Variants in SMYD3 observed in about 807,000 individuals in gnomAD.
SMYD3 encodes SET and MYND domain containing 3.
A neutral mutation model predicts 57.7 loss-of-function variants in SMYD3; 36 were observed. That is an observed-to-expected ratio of 0.62 (90% CI 0.48 to 0.82). SMYD3 has a LOEUF of 0.82. Among genes scored for constraint, SMYD3 ranks in the 40% least tolerant of loss-of-function variants. The pLI, the probability that SMYD3 is intolerant of heterozygous loss-of-function variation, is 0.00. For missense variants in SMYD3, 515 were observed against 538.8 expected, an observed-to-expected ratio of 0.96 and a Z score of 0.44; for synonymous variants, 211 against 195.0, an observed-to-expected ratio of 1.08 and a Z score of -0.68.
chr1:245,754,345 T>C (rs2045521133), intron 11 of SMYD3, among the ~76,000 whole-genome samples: 1 of 152,166 alleles, frequency 6.6e-6, no homozygotes, highest in Non-Finnish European at 1.5e-5. Flanking sequence ...TTCCCAAGTA[T>C]GATTTAAATA....
At chr1:245,792,569 G>C (rs571871269) in intron 10 of SMYD3, among the ~76,000 whole-genome samples, 12 of 152,328 alleles carry the variant, frequency 7.9e-5, no homozygotes, top group African/African-American at 2.9e-4. Flanking sequence ...TTCTCAGTTA[G>C]CATGGAATTC....
intron 8 of SMYD3, among the ~76,000 whole-genome samples, chr1:245,883,264 A>T (rs1218354595): frequency 6.6e-6 from 1 of 152,210 alleles, no homozygotes; most frequent in East Asian, 1.9e-4. Flanking sequence ...AAGCAATATT[A>T]AATGACCTTG....
intron 3 of SMYD3, 45 bp downstream of exon 3, chr1:246,335,316 ATATGTT>A: frequency 6.7e-7 from 1 of 1,486,872 alleles, no homozygotes; most frequent in Non-Finnish European, 9.4e-7. Flanking sequence ...ATGCAATTGC[ATATGTT>A]TATTTAACCA....
At chr1:246,223,820 A>C (rs1287196387) in intron 5 of SMYD3, among the ~76,000 whole-genome samples, 1 of 152,132 alleles carries the variant, frequency 6.6e-6, no homozygotes, top group Non-Finnish European at 1.5e-5. Flanking sequence ...GGTCCTTTAC[A>C]ATACGGAATA....
At chr1:246,166,742 C>A (rs1436670813) in intron 5 of SMYD3, among the ~76,000 whole-genome samples, 1 of 152,128 alleles carries the variant, frequency 6.6e-6, no homozygotes, top group Non-Finnish European at 1.5e-5. Flanking sequence ...GACTGTAATA[C>A]CTGAGAGCTA....
intron 5 of SMYD3, among the ~76,000 whole-genome samples, chr1:246,277,616 G>A (rs1269740153): frequency 6.6e-6 from 1 of 152,016 alleles, no homozygotes. Context: ...CCTAATCAGG[G>A]GAGACAACAC....
chr1:246,462,237 G>A (rs1369704053), intron 1 of SMYD3, among the ~76,000 whole-genome samples: 4 of 59,660 alleles, frequency 6.7e-5, no homozygotes, highest in Non-Finnish European at 1.7e-4. Flanking sequence ...ATCCTCCCGC[G>A]GGGCCTGCTG....
chr1:246,210,703 TA>T (rs961137031), intron 5 of SMYD3, among the ~76,000 whole-genome samples: 77 of 139,212 alleles, frequency 5.5e-4, no homozygotes, highest in Middle Eastern at 4.0e-3. Flanking sequence ...AGGGCGAAAC[TA>T]AAAAAAAAAA....
chr1:246,225,321 CAAAAAAAAAAAAAAAAAAAAAAAA>C (rs60915002), intron 5 of SMYD3, among the ~76,000 whole-genome samples: 22 of 76,306 alleles, frequency 2.9e-4, no homozygotes, highest in Admixed American at 1.5e-3. Context: ...GCTGAAAAGT[CAAAAAAAAAAAAAAAAAAAAAAAA>C]AAAAAAAAAA....
At chr1:246,130,228 G>A (rs755788106) in intron 5 of SMYD3, among the ~76,000 whole-genome samples, 18 of 152,226 alleles carry the variant, frequency 1.2e-4, no homozygotes, top group East Asian at 9.7e-4. Flanking sequence ...AAGTTTTAAC[G>A]TTTAATATGT....
In SMYD3 at chr1:245,920,088, A is replaced by T. The variant is rs28663330; in HGVS notation, c.703-4448T>A. Among the ~76,000 whole-genome samples the T allele has an allele frequency of 9.3e-3, 1,412 of 152,066 alleles. 18 individuals are homozygous for T. Among genetic ancestry groups the T allele is most frequent in the Admixed American group, 0.034 (521 of 15,290 alleles). On this transcript the variant is annotated intron_variant, in intron 7 of 11. Coordinates refer to ENST00000490107, the MANE Select transcript of SMYD3 (RefSeq NM_001167740.2). The stretch of plus-strand genomic sequence containing the variant: ...CAGCACTTTGGGAGGCCAAGGCGGT[A>T]GGATCACGAGGTCAGGAGATTGAGA...
At chr1:245,955,154 C>G (rs183758132) in intron 5 of SMYD3, among the ~76,000 whole-genome samples, 1 of 152,238 alleles carries the variant, frequency 6.6e-6, no homozygotes, top group Non-Finnish European at 1.5e-5. Flanking sequence ...TGCAGTGGCG[C>G]GATCTCAGCT....
intron 5 of SMYD3, among the ~76,000 whole-genome samples, chr1:245,981,221 G>A (rs2058589600): frequency 6.6e-6 from 1 of 152,232 alleles, no homozygotes; most frequent in Non-Finnish European, 1.5e-5. Context: ...TTTAGGACAG[G>A]TAGTGCCAAC....
intron 10 of SMYD3, among the ~76,000 whole-genome samples, chr1:245,832,603 T>G (rs1421476092): frequency 6.6e-6 from 1 of 152,128 alleles, no homozygotes; most frequent in Admixed American, 6.5e-5. Context: ...GATTTCTTCT[T>G]TAGTATCTCA....
At chr1:245,945,788 G>C (rs1431841248) in intron 5 of SMYD3, among the ~76,000 whole-genome samples, 1 of 152,038 alleles carries the variant, frequency 6.6e-6, no homozygotes. Context: ...GTAATAAAAA[G>C]GAACACGATC....
intron 1 of SMYD3, among the ~76,000 whole-genome samples, chr1:246,400,621 A>G (rs2066752154): frequency 6.6e-6 from 1 of 152,170 alleles, no homozygotes; most frequent in Admixed American, 6.5e-5. Flanking sequence ...TAATTGTGCT[A>G]TTTTATGACT....
intron 1 of SMYD3, among the ~76,000 whole-genome samples, chr1:246,417,777 C>G (rs1411036187): frequency 6.6e-6 from 1 of 152,150 alleles, no homozygotes; most frequent in African/African-American, 2.4e-5. Context: ...AATTCAGGCC[C>G]TTATCATAAT....
intron 7 of SMYD3, among the ~76,000 whole-genome samples, chr1:245,917,167 G>A (rs2055494264): frequency 6.6e-6 from 1 of 151,924 alleles, no homozygotes; most frequent in African/African-American, 2.4e-5. Context: ...AGGTAGCTGG[G>A]GCTACAGGCA....
intron 5 of SMYD3, among the ~76,000 whole-genome samples, chr1:245,995,044 G>A (rs967867585): frequency 1.7e-4 from 26 of 152,140 alleles, no homozygotes; most frequent in Non-Finnish European, 3.7e-4. Context: ...AGTGAGCCGA[G>A]ATTGCGCCAC....
Sources: gnomAD v4.1 joint callset for allele counts (sites outside exome capture counted in the v4.1 genomes callset) on GRCh38, gnomAD v4.1.1 for gene constraint, MANE v1.5 for transcripts, NCBI Gene and HGNC (gene_info 2026-07-23, HGNC 2026-07-21) for gene names.